Variants in SMYD2 observed in about 807,000 individuals in gnomAD.
The protein encoded by SMYD2 is SET and MYND domain containing 2.
Under a neutral mutation model 59.1 loss-of-function variants are expected in SMYD2, and 53 were observed. That is an observed-to-expected ratio of 0.90 (90% confidence interval 0.72 to 1.13). The LOEUF is 1.13. Ranked by LOEUF, SMYD2 falls within the 50% of genes most tolerant of loss-of-function variation. SMYD2 has a pLI of 0.00. For missense variants in SMYD2, 494 were observed against 544.7 expected (o/e 0.91, Z 0.93); for synonymous variants, 208 against 198.8 (o/e 1.05, Z -0.39).
At chr1:214,282,530 G>A (rs1038238544) in intron 1 of SMYD2, among the ~76,000 whole-genome samples, 3 of 152,176 alleles carry the variant, frequency 2.0e-5, no homozygotes, top group African/African-American at 7.2e-5. Context: ...TCCTGGGCTG[G>A]ATTAAGCTGA....
intron 1 of SMYD2, among the ~76,000 whole-genome samples, chr1:214,286,075 T>C (rs1656533332): frequency 6.6e-6 from 1 of 152,236 alleles, no homozygotes; most frequent in South Asian, 2.1e-4. Flanking sequence ...GCAGGGACTT[T>C]GTGGCAGGTG....
chr1:214,325,486 C>CAT (rs2102475216), intron 6 of SMYD2, among the ~76,000 whole-genome samples: 1 of 152,336 alleles, frequency 6.6e-6, no homozygotes, highest in East Asian at 1.9e-4. Context: ...GGTTGCTTAA[C>CAT]ATATACTGCA....
At chr1:214,304,408 A>C (rs1401310426) in intron 1 of SMYD2, among the ~76,000 whole-genome samples, 1 of 151,876 alleles carries the variant, frequency 6.6e-6, no homozygotes, top group African/African-American at 2.4e-5. Context: ...AAAATACAAA[A>C]ATTAGCCAGG....
At chr1:214,299,686 A>G (rs1429840959) in intron 1 of SMYD2, among the ~76,000 whole-genome samples, 1 of 152,084 alleles carries the variant, frequency 6.6e-6, no homozygotes, top group Non-Finnish European at 1.5e-5. Context: ...GGCTCACTGC[A>G]ACCTCTGCCT....
chr1:214,317,025 A>G (rs1657097137), intron 3 of SMYD2, among the ~76,000 whole-genome samples: 1 of 152,128 alleles, frequency 6.6e-6, no homozygotes, highest in African/African-American at 2.4e-5. Context: ...GATGATATTT[A>G]TAGTGATATG....
chr1:214,324,950 A>AT (rs1657238366), intron 6 of SMYD2, among the ~76,000 whole-genome samples: 1 of 152,254 alleles, frequency 6.6e-6, no homozygotes, highest in African/African-American at 2.4e-5. Context: ...TTATTAAAGA[A>AT]TATTTTATAG....
At chr1:214,290,824 C>G (rs538194210) in intron 1 of SMYD2, among the ~76,000 whole-genome samples, 1 of 152,138 alleles carries the variant, frequency 6.6e-6, no homozygotes, top group Non-Finnish European at 1.5e-5. Context: ...TCTGTTTAAT[C>G]TGAGTACCAA....
At chr1:214,301,381 A>G (rs866975789) in intron 1 of SMYD2, among the ~76,000 whole-genome samples, 1 of 152,360 alleles carries the variant, frequency 6.6e-6, no homozygotes, top group African/African-American at 2.4e-5. Context: ...ACTCAATGAC[A>G]TAAAATCCAT....
At chr1:214,294,743 A>G (rs769220785) in intron 1 of SMYD2, among the ~76,000 whole-genome samples, 4 of 152,226 alleles carry the variant, frequency 2.6e-5, no homozygotes, top group Non-Finnish European at 5.9e-5. Context: ...CAGGTAGTTA[A>G]CACATGTTTT....
chr1:214,298,002 C>T (rs566022501), intron 1 of SMYD2, among the ~76,000 whole-genome samples: 71 of 152,280 alleles, frequency 4.7e-4, no homozygotes, highest in Non-Finnish European at 9.1e-4. Context: ...GATTTCAACA[C>T]TATTCCTACC....
intron 1 of SMYD2, among the ~76,000 whole-genome samples, chr1:214,293,918 C>T (rs1476154702): frequency 6.6e-6 from 1 of 151,826 alleles, no homozygotes; most frequent in African/African-American, 2.4e-5. Context: ...TTAGGTGATC[C>T]GCCTGCCTCG....
chr1:214,308,216 C>T (rs1289070400), intron 2 of SMYD2, among the ~76,000 whole-genome samples: 1 of 152,216 alleles, frequency 6.6e-6, no homozygotes, highest in African/African-American at 2.4e-5. Context: ...TCTCTTGTTT[C>T]TAGAGGTGGC....
intron 6 of SMYD2, among the ~76,000 whole-genome samples, chr1:214,327,311 T>C (rs764674406): frequency 1.3e-5 from 2 of 152,264 alleles, no homozygotes; most frequent in African/African-American, 2.4e-5. Context: ...TATTGGGTTC[T>C]GAGAGCTGCA....
Position 214,334,199 on chromosome 1 carries a change from G to A in SMYD2, c.1113-1G>A. 1.2e-6 allele frequency: 2 copies of A among 1,613,336 alleles called. No individual in the cohort carries two copies. The highest frequency in any genetic ancestry group is 1.7e-6 in the Non-Finnish European group (2 of 1,179,554). On this transcript the variant is annotated splice_acceptor_variant, in intron 10 of 11. Coordinates refer to ENST00000366957, the MANE Select transcript of SMYD2 (RefSeq NM_020197.3). LOFTEE classifies it high-confidence loss of function. ...GCCTGTTGTCTCTTCTCTTGTTCTA[G>A]TAAGCACTATCCTTTGTACTCCCTC...
Position 214,294,457 on chromosome 1 carries a change from CAGG to C in SMYD2, c.174-10727_174-10725del, listed in dbSNP as rs560191024. On this transcript the variant is annotated intron_variant, in intron 1 of 11. Coordinates refer to ENST00000366957, the MANE Select transcript of SMYD2 (RefSeq NM_020197.3). ...CCAAGACGGGCGGATGGCTTGAGGA[CAGG>C]AGTTCAAGCCCAGCCTGGCCAACAT... Among the ~76,000 whole-genome samples, 44 of 152,350 alleles carry C rather than the reference CAGG, an allele frequency of 2.9e-4. No homozygotes were observed. In the East Asian group the frequency reaches 6.8e-3, roughly 23 times the overall value.
chr1:214,315,059 T>G (rs1288357717), intron 3 of SMYD2, among the ~76,000 whole-genome samples, 187 bp downstream of exon 3: 1 of 152,220 alleles, frequency 6.6e-6, no homozygotes, highest in Non-Finnish European at 1.5e-5. Context: ...GTGTGCCCTG[T>G]GCAATTAGGA....
At chr1:214,320,659 C>T (rs1037503711) in intron 5 of SMYD2, among the ~76,000 whole-genome samples, 3 of 152,130 alleles carry the variant, frequency 2.0e-5, no homozygotes. Flanking sequence ...ATCACTTCTG[C>T]CCACTTCAGC....
intron 1 of SMYD2, among the ~76,000 whole-genome samples, chr1:214,285,543 T>C (rs1656524169): frequency 1.3e-5 from 2 of 152,252 alleles, no homozygotes; most frequent in African/African-American, 2.4e-5. Flanking sequence ...CTTTTTTAGA[T>C]GTATTTTTAT....
chr1:214,336,463 C>T (rs1229107651), intron 11 of SMYD2, among the ~76,000 whole-genome samples: 4 of 152,312 alleles, frequency 2.6e-5, no homozygotes, highest in Non-Finnish European at 4.4e-5. Context: ...ACCCGGGATG[C>T]GGAGCTTGCA....
Sources: gnomAD v4.1 joint callset for allele counts (sites outside exome capture counted in the v4.1 genomes callset) on GRCh38, gnomAD v4.1.1 for gene constraint, MANE v1.5 for transcripts, NCBI Gene and HGNC (gene_info 2026-07-23, HGNC 2026-07-21) for gene names.